ZSWIM6: variants seen among roughly 807,000 people sequenced by gnomAD.
ZSWIM6 encodes the protein zinc finger SWIM domain-containing protein 6.
In ZSWIM6, 9 loss-of-function variants were observed where a neutral mutation model predicts 113.2. The ratio of observed to expected loss-of-function variants is 0.08; its 90% CI spans 0.05 to 0.14. The LOEUF (loss-of-function observed/expected upper bound fraction) is 0.14. ZSWIM6 is among the 10% of genes least tolerant of loss of function. The probability of loss-of-function intolerance (pLI) is 1.00; values close to 1 mark genes in which losing one functional copy is unlikely to be tolerated. For missense variants in ZSWIM6, 1,162 were observed against 1,552.2 expected, an observed-to-expected ratio of 0.75 and a Z score of 4.22; for synonymous variants, 611 against 606.5, an observed-to-expected ratio of 1.01 and a Z score of -0.11.
At chr5:61,538,700 T>C in intron 10 of ZSWIM6, 114 bp from the exon 11 acceptor site, 1 of 1,212,602 alleles carries the variant, frequency 8.2e-7, no homozygotes, top group Non-Finnish European at 1.1e-6. Context: ...TTGCTGAACT[T>C]GAGTAGAGGC....
At chr5:61,418,660 C>T (rs1269576205) in intron 1 of ZSWIM6, among the ~76,000 whole-genome samples, 7 of 152,022 alleles carry the variant, frequency 4.6e-5, no homozygotes, top group South Asian at 4.2e-4. Flanking sequence ...TGGTAGATGG[C>T]GATAGAAATA....
In ZSWIM6 at chr5:61,349,624, C is replaced by T. The variant is rs2112037504; in HGVS notation, c.676+16676C>T. On this transcript the variant is annotated intron_variant, in intron 1 of 13. Coordinates refer to ENST00000252744, the MANE Select transcript of ZSWIM6 (RefSeq NM_020928.2). ...TTTTTTTCTTCTCATTTGACGAGAC[C>T]TTTTCTTTAAGCTTGTTAACTTGCT... Among the ~76,000 whole-genome samples, 3 of 152,034 alleles carry T rather than the reference C, an allele frequency of 2.0e-5. 1 individual carries two copies. In the Middle Eastern group the frequency reaches 0.01, roughly 517 times the overall value.
chr5:61,405,789 A>G (rs1561224956), intron 1 of ZSWIM6, among the ~76,000 whole-genome samples: 1 of 152,240 alleles, frequency 6.6e-6, no homozygotes, highest in African/African-American at 2.4e-5. Flanking sequence ...CTATATGGAA[A>G]GGGGCTCAGA....
intron 5 of ZSWIM6, among the ~76,000 whole-genome samples, chr5:61,524,860 A>T (rs1011450842): frequency 3.9e-5 from 6 of 152,270 alleles, no homozygotes; most frequent in African/African-American, 1.4e-4. Flanking sequence ...GAGGATTGCT[A>T]AAGTTTGTGC....
intron 1 of ZSWIM6, among the ~76,000 whole-genome samples, chr5:61,370,502 G>T (rs996147015): frequency 2.0e-5 from 3 of 152,216 alleles, no homozygotes; most frequent in African/African-American, 7.2e-5. Context: ...TACAAGTTAT[G>T]TGTAAACATA....
chr5:61,375,429 T>G (rs532006053), intron 1 of ZSWIM6: 4 of 1,513,230 alleles, frequency 2.6e-6, no homozygotes, highest in Non-Finnish European at 3.6e-6. Context: ...GGTATTCATC[T>G]TCTTCTTCAT....
At chr5:61,384,211 G>A (rs939524295) in intron 1 of ZSWIM6, among the ~76,000 whole-genome samples, 10 of 140,382 alleles carry the variant, frequency 7.1e-5, no homozygotes, top group African/African-American at 2.7e-4. Flanking sequence ...ACTGCAGTCC[G>A]CAGTCCAGCC....
rs1561283194 is a variant in ZSWIM6 at position 61,535,562 on chromosome 5, C to T, written c.2324C>T (p.Thr775Ile). The change falls in exon 10 of 14, where the codon ACC (threonine) becomes ATC (isoleucine). Residue 775 changes from threonine to isoleucine, a missense_variant. Around this residue, in one of 4 missense-constraint regions of ZSWIM6, gnomAD observed 620 missense variants for 804.6 expected, o/e 0.77. Transcript: ENST00000252744. ...PMHTFAKYLFTSLLPHDAELA... is the reference protein window; with the variant it reads ...PMHTFAKYLFISLLPHDAELA... ...CACACATTTGCCAAGTATCTCTTCA[C>T]CTCTCTCCTACCTCACGATGCTGAA... The T allele has an allele frequency of 1.3e-6, 2 of 1,551,334 alleles. No individual in the cohort carries two copies. The highest frequency in any genetic ancestry group is 1.7e-6 in the Non-Finnish European group (2 of 1,146,774).
intron 1 of ZSWIM6, among the ~76,000 whole-genome samples, chr5:61,348,289 A>G (rs1561201562): frequency 6.6e-6 from 1 of 152,170 alleles, no homozygotes; most frequent in Admixed American, 6.5e-5. Context: ...CATACGTAGG[A>G]TGAGTCTTGG....
At chr5:61,349,905 CA>C (rs201037245) in intron 1 of ZSWIM6, among the ~76,000 whole-genome samples, 5 of 151,346 alleles carry the variant, frequency 3.3e-5, no homozygotes, top group East Asian at 3.9e-4. Context: ...AGATGATATG[CA>C]AAAAAAACAC....
intron 1 of ZSWIM6, among the ~76,000 whole-genome samples, chr5:61,353,530 C>T (rs578074139): frequency 6.6e-6 from 1 of 152,276 alleles, no homozygotes; most frequent in South Asian, 2.1e-4. Flanking sequence ...CACAGTCCTC[C>T]TTGGTCTGTG....
At position 61,332,790 on chromosome 5, in the gene ZSWIM6, C is replaced by T. The variant is rs1744290417; in HGVS notation, c.518C>T (p.Ala173Val). 2.4e-6 allele frequency: 2 copies of T among 840,394 alleles called. No homozygotes were observed. Among genetic ancestry groups the T allele is most frequent in the Non-Finnish European group, 1.4e-6 (1 of 709,108 alleles). 52.1% of individuals were successfully genotyped at this position (840,394 alleles called of 1,614,324 possible). A position where few individuals can be genotyped will look rare whatever the true frequency, so the allele number is the denominator to read the frequency against. ...SAAATSAAAA[A>V]AAAAAAAAAA... ...GCCGCAACCTCGGCCGCCGCCGCCG[C>T]TGCCGCCGCCGCCGCCGCCGCCGCC... The change falls in exon 1 of 14, where the codon GCT (alanine) becomes GTT (valine). Residue 173 changes from alanine (A) to valine (V), a missense_variant. Coordinates refer to ENST00000252744, the MANE Select transcript of ZSWIM6 (RefSeq NM_020928.2).
chr5:61,493,693 A>T (rs1363892), intron 3 of ZSWIM6, among the ~76,000 whole-genome samples: 57,146 of 151,994 alleles, frequency 0.38, 10,895 homozygotes, highest in South Asian at 0.43. Flanking sequence ...TTATGCAAGG[A>T]AACAGCAGCA....
intron 1 of ZSWIM6, among the ~76,000 whole-genome samples, chr5:61,440,738 T>C (rs1746810929): frequency 6.6e-6 from 1 of 152,194 alleles, no homozygotes; most frequent in Admixed American, 6.5e-5. Flanking sequence ...TAAGCTATGT[T>C]GGTTGAGTGA....
chr5:61,454,583 T>C (rs77129982), intron 1 of ZSWIM6, among the ~76,000 whole-genome samples: 2 of 150,734 alleles, frequency 1.3e-5, no homozygotes, highest in African/African-American at 4.9e-5. Context: ...TTTTTTTTTT[T>C]TTTCTTTTCG....
rs972739075 is a variant in ZSWIM6 at position 61,517,778 on chromosome 5, A to AT, written c.1334-3483dup. Among the ~76,000 whole-genome samples, 1,184 of 147,750 alleles carry AT rather than the reference A, an allele frequency of 8.0e-3. 6 individuals carry two copies. Among genetic ancestry groups the AT allele is most frequent in the Admixed American group, 0.011 (166 of 14,900 alleles). On this transcript the variant is annotated intron_variant, in intron 4 of 13. Coordinates refer to ENST00000252744, the MANE Select transcript of ZSWIM6 (RefSeq NM_020928.2). ...CAGGAGATTTTTTTTTAATTATTTAATTATTTATTTATTTATTTATTTATT... is the reference window on the plus strand; with the variant it reads ...CAGGAGATTTTTTTTTAATTATTTAATTTATTTATTTATTTATTTATTTATT...
chr5:61,462,753 G>A (rs1328494188), intron 1 of ZSWIM6, among the ~76,000 whole-genome samples: 1 of 152,206 alleles, frequency 6.6e-6, no homozygotes, highest in African/African-American at 2.4e-5. Flanking sequence ...TTTGTATGTA[G>A]TCAGTTTTTG....
intron 1 of ZSWIM6, among the ~76,000 whole-genome samples, chr5:61,360,535 G>A (rs907783778): frequency 1.3e-5 from 2 of 152,182 alleles, no homozygotes; most frequent in African/African-American, 4.8e-5. Flanking sequence ...TGGTTTCAGA[G>A]CCTGTGCTCT....
At chr5:61,441,927 TA>T (rs1278593822) in intron 1 of ZSWIM6, among the ~76,000 whole-genome samples, 6 of 152,158 alleles carry the variant, frequency 3.9e-5, no homozygotes, top group Non-Finnish European at 8.8e-5. Context: ...AAGAAGACTT[TA>T]TTTGGGTGCT....
Sources: allele counts gnomAD v4.1 joint callset (sites outside exome capture counted in the v4.1 genomes callset), GRCh38; gene constraint gnomAD v4.1.1; regional missense constraint gnomAD v4.1.1; transcripts MANE v1.5; gene names NCBI Gene and HGNC (gene_info 2026-07-23, HGNC 2026-07-21).